The following PLXNA4 variants were observed in gnomAD, a reference collection of about 807,000 sequenced individuals.
PLXNA4 encodes plexin-A4.
Under a neutral mutation model 191.8 loss-of-function variants are expected in PLXNA4, and 44 were observed. That is an observed-to-expected ratio of 0.23 (90% CI 0.18 to 0.29). PLXNA4 has a LOEUF of 0.29. Ranked by LOEUF, PLXNA4 falls within the 10% of genes least tolerant of loss-of-function variation. The pLI is 1.00. For synonymous variants in PLXNA4, 1,082 were observed against 1,009.5 expected (o/e 1.07, Z -1.36); for missense variants, 1,800 against 2,488.8 (o/e 0.72, Z 5.89).
intron 1 of PLXNA4, among the ~76,000 whole-genome samples, chr7:132,561,368 T>TCTCCTCCTCCTCCTC (rs1801041371): frequency 1.1e-5 from 1 of 91,440 alleles, no homozygotes; most frequent in Non-Finnish European, 2.3e-5. Flanking sequence ...CCCTCCTTCT[T>TCTCCTCCTCCTCCTC]GTCCTCCTCC....
chr7:132,223,677 C>T (rs765949511), intron 8 of PLXNA4, 36 bp from the exon 9 acceptor site: 3 of 1,544,972 alleles, frequency 1.9e-6, no homozygotes, highest in Non-Finnish European at 2.7e-6. Flanking sequence ...AATCTAAGAA[C>T]CTGGATGAGC....
At chr7:132,637,213 C>T (rs1803626823) in intron 2 of PLXNA4, among the ~76,000 whole-genome samples, 1 of 152,168 alleles carries the variant, frequency 6.6e-6, no homozygotes. Context: ...ACCAGGACCA[C>T]AATTTGTATG....
chr7:132,297,699 C>G (rs11763799), intron 4 of PLXNA4, among the ~76,000 whole-genome samples: 2 of 152,232 alleles, frequency 1.3e-5, no homozygotes, highest in South Asian at 4.1e-4. Context: ...GCAATAAATT[C>G]TTGATCCCAC....
intron 18 of PLXNA4, 126 bp downstream of exon 18, chr7:132,181,255 G>C: frequency 7.4e-6 from 11 of 1,496,450 alleles, no homozygotes; most frequent in Non-Finnish European, 9.9e-6. Flanking sequence ...CACACTCTGG[G>C]CTACACTGCA....
chr7:132,159,162 C>T (rs1446973027), intron 25 of PLXNA4, among the ~76,000 whole-genome samples: 3 of 152,152 alleles, frequency 2.0e-5, no homozygotes, highest in Non-Finnish European at 4.4e-5. Context: ...GATATGACTC[C>T]TTCATTTCCC....
intron 4 of PLXNA4, among the ~76,000 whole-genome samples, chr7:132,274,349 A>G (rs1011114734): frequency 5.9e-5 from 9 of 152,088 alleles, no homozygotes; most frequent in African/African-American, 1.7e-4. Flanking sequence ...AAAGTTACCC[A>G]AATAGTAGAA....
intron 29 of PLXNA4, 108 bp downstream of exon 29, chr7:132,145,011 C>A: frequency 6.6e-7 from 1 of 1,520,120 alleles, no homozygotes; most frequent in Non-Finnish European, 9.0e-7. Flanking sequence ...CTGATGAAAA[C>A]AGGCTCTGGC....
chr7:132,431,316 A>G (rs1795251150), intron 3 of PLXNA4, among the ~76,000 whole-genome samples: 3 of 151,274 alleles, frequency 2.0e-5, no homozygotes, highest in Non-Finnish European at 4.4e-5. Flanking sequence ...ATCACTCCCC[A>G]CCTCCCCTCT....
intron 3 of PLXNA4, among the ~76,000 whole-genome samples, chr7:132,339,890 G>T (rs1802959119): frequency 6.6e-6 from 1 of 152,104 alleles, no homozygotes; most frequent in Admixed American, 6.6e-5. Flanking sequence ...TTATGTAAAA[G>T]GACCTAGCAC....
chr7:132,595,050 T>TAGAC (rs1214688284), intron 2 of PLXNA4, among the ~76,000 whole-genome samples: 19 of 149,632 alleles, frequency 1.3e-4, no homozygotes, highest in African/African-American at 4.4e-4. Context: ...GACAGATAGA[T>TAGAC]AGAGAGCTTT....
rs62469694 is a variant in PLXNA4 at position 132,132,477 on chromosome 7, G to T, written c.5589+572C>A. 9.7e-3 allele frequency among the ~76,000 whole-genome samples: 597 copies of T among 61,234 alleles called. 16 individuals carry two copies. The highest frequency in any genetic ancestry group is 0.016 in the South Asian group (23 of 1,478). 40.2% of individuals were successfully genotyped at this position (61,234 alleles called of 152,430 possible). A position where few individuals can be genotyped will look rare whatever the true frequency, so the allele number is the denominator to read the frequency against. ...GTTCTGTTCTGTTCTGCTCTGCTCT[G>T]CTCTGCTCTGCTCTATTCTTTTCTA... On this transcript the variant is annotated intron_variant, in intron 31 of 31. Coordinates refer to ENST00000321063, the MANE Select transcript of PLXNA4 (RefSeq NM_020911.2).
chr7:132,357,003 A>C (rs574906566), intron 3 of PLXNA4, among the ~76,000 whole-genome samples: 18 of 152,182 alleles, frequency 1.2e-4, no homozygotes, highest in African/African-American at 4.1e-4. Flanking sequence ...ACCTGTTTCC[A>C]AAGGGCTTCA....
chr7:132,571,227 A>C (rs1425463969), intron 1 of PLXNA4, among the ~76,000 whole-genome samples: 2 of 152,200 alleles, frequency 1.3e-5, no homozygotes, highest in African/African-American at 4.8e-5. Flanking sequence ...GGGCTCCTTC[A>C]GGGATTCACA....
chr7:132,428,244 C>A (rs756195198), intron 3 of PLXNA4, among the ~76,000 whole-genome samples: 3 of 152,304 alleles, frequency 2.0e-5, no homozygotes, highest in Middle Eastern at 6.8e-3. Flanking sequence ...AGAGCCAGCA[C>A]CTTTGATGCT....
chr7:132,640,788 G>A lies in PLXNA4; in HGVS notation c.-87+5140C>T, dbSNP rs33964886. Among the ~76,000 whole-genome samples, 328 of 25,482 alleles carry A rather than the reference G, an allele frequency of 0.013. 5 individuals carry two copies. In the South Asian group the frequency reaches 0.22, roughly 17 times the overall value. The allele number at this position is 25,482 out of a possible 152,430, so 16.7% of individuals were successfully genotyped here. On this transcript the variant is annotated intron_variant, in intron 2 of 4. Coordinates refer to the PLXNA4 transcript ENST00000378539. ...CTTATGTCTACTGAAAAAAAAAAAA[G>A]GGGGGGGCCCTGCCAATTAAACACA...
chr7:132,591,401 A>T (rs1290116993), intron 2 of PLXNA4, among the ~76,000 whole-genome samples: 5 of 152,222 alleles, frequency 3.3e-5, no homozygotes, highest in Non-Finnish European at 7.3e-5. Context: ...TGTGAAGAGC[A>T]CAAATTGCCA....
chr7:132,233,820 T>G (rs2117006917), intron 5 of PLXNA4, among the ~76,000 whole-genome samples: 1 of 152,358 alleles, frequency 6.6e-6, no homozygotes, highest in African/African-American at 2.4e-5. Flanking sequence ...GACTGGATTC[T>G]GACCTTGGTA....
intron 10 of PLXNA4, among the ~76,000 whole-genome samples, chr7:132,210,687 G>C (rs896365301): frequency 6.6e-6 from 1 of 152,202 alleles, no homozygotes; most frequent in African/African-American, 2.4e-5. Flanking sequence ...TTCTAATCCT[G>C]TCTTACACGG....
At position 132,241,070 on chromosome 7, in the gene PLXNA4, T is replaced by C. The variant is rs1355861174; in HGVS notation, c.1600A>G (p.Asn534Asp). Residue 534 changes from asparagine (N) to aspartate (D), a missense_variant, in exon 5 of 32, where the codon AAC (asparagine) becomes GAC (aspartate). Asn to Asp is a conservative substitution (Grantham distance 23). This residue lies in a region of PLXNA4 where 1,397 missense variants were observed against 1,880.4 expected (regional missense o/e 0.74). Coordinates refer to ENST00000321063, the MANE Select transcript of PLXNA4 (RefSeq NM_020911.2). The stretch of plus-strand genomic sequence containing the variant: ...CAGCCTCCCCATGGTACTCACGTGT[T>C]GTGCAGCACACACCAGCCACAGTGG... ...DPHCGWCVLHNTCTRKERCER... is the reference protein window; with the variant it reads ...DPHCGWCVLHDTCTRKERCER... The C allele has an allele frequency of 6.2e-7, 1 of 1,602,226 alleles. No individual in the cohort carries two copies.
Sources: allele counts gnomAD v4.1 joint callset (sites outside exome capture counted in the v4.1 genomes callset), GRCh38; gene constraint gnomAD v4.1.1; regional missense constraint gnomAD v4.1.1; transcripts MANE v1.5; gene names NCBI Gene and HGNC (gene_info 2026-07-23, HGNC 2026-07-21).